CRYBG3: variants seen among roughly 807,000 people sequenced by gnomAD.
CRYBG3 encodes the protein crystallin beta-gamma domain containing 3.
A neutral mutation model predicts 244.2 loss-of-function variants in CRYBG3; 127 were observed. The observed-to-expected ratio is 0.52, with a 90% CI of 0.45 to 0.60. The LOEUF is 0.60. Ranked by LOEUF, CRYBG3 falls within the 20% of genes least tolerant of loss-of-function variation. The pLI is 0.00. For missense variants in CRYBG3, 3,325 were observed against 3,442.5 expected (o/e 0.97, Z 0.85); for synonymous variants, 1,132 against 1,195.8 (o/e 0.95, Z 1.10).
intron 15 of CRYBG3, among the ~76,000 whole-genome samples, chr3:97,904,798 T>A (rs373929422): frequency 6.6e-6 from 1 of 151,790 alleles, no homozygotes; most frequent in East Asian, 1.9e-4. Context: ...GCAGGTTAGT[T>A]ACATATGTAT....
At chr3:97,896,323 G>T (rs1416795101) in intron 12 of CRYBG3, among the ~76,000 whole-genome samples, 2 of 152,070 alleles carry the variant, frequency 1.3e-5, no homozygotes, top group African/African-American at 4.8e-5. Context: ...TTTGTTAGAT[G>T]CCAGGAGTGG....
At chr3:97,934,632 A>G (rs981100446) in intron 18 of CRYBG3, among the ~76,000 whole-genome samples, 1 of 152,112 alleles carries the variant, frequency 6.6e-6, no homozygotes, top group African/African-American at 2.4e-5. Context: ...GAGAAAGCCA[A>G]TAATATAAGT....
chr3:97,907,679 G>C lies in CRYBG3; in HGVS notation c.8005-4488G>C, dbSNP rs535825780. On this transcript the variant is annotated intron_variant, in intron 15 of 21. Coordinates refer to ENST00000389622, the MANE Select transcript of CRYBG3 (RefSeq NM_153605.4). ...TTGCTAGCGGTCTATCAATTTTGTT[G>C]ATCCTTTCAAAAAACCAGCTCCTGG... Among the ~76,000 whole-genome samples, 423 of 150,268 alleles carry C rather than the reference G, an allele frequency of 2.8e-3. 1 individual carries two copies. The highest frequency in any genetic ancestry group is 4.7e-3 in the Non-Finnish European group (320 of 67,468).
intron 6 of CRYBG3, 135 bp downstream of exon 6, chr3:97,880,235 A>G (rs2039429410): frequency 5.3e-6 from 3 of 563,164 alleles, no homozygotes; most frequent in East Asian, 2.9e-5. Flanking sequence ...ATTTTGAAAC[A>G]TTATTATTAG....
At chr3:97,892,620 C>G (rs2039592396) in intron 10 of CRYBG3, among the ~76,000 whole-genome samples, 1 of 151,850 alleles carries the variant, frequency 6.6e-6, no homozygotes, top group African/African-American at 2.4e-5. Flanking sequence ...TTCTTAGCAC[C>G]TCGAAGTAGA....
chr3:97,861,864 G>T (rs970605921), intron 2 of CRYBG3, among the ~76,000 whole-genome samples: 22 of 152,034 alleles, frequency 1.4e-4, no homozygotes, highest in African/African-American at 5.3e-4. Context: ...TATTGCAGGT[G>T]TTTACTTTGA....
At chr3:97,846,268 G>A (rs1489089974) in intron 2 of CRYBG3, among the ~76,000 whole-genome samples, 4 of 151,822 alleles carry the variant, frequency 2.6e-5, no homozygotes, top group Admixed American at 2.6e-4. Context: ...CCTACCTCTG[G>A]CTACTTCCTT....
chr3:97,873,847 C>T lies in CRYBG3; in HGVS notation c.2653C>T (p.Arg885Cys), dbSNP rs770971414. The part of the protein sequence containing the change: ...LTFLEVEQGK[R>C]FQSINHNEIG... ...CTTTCTAGAAGTTGAACAGGGCAAA[C>T]GTTTTCAATCAATTAATCATAATGA... Residue 885 changes from arginine (R) to cysteine (C), a missense_variant, in exon 4 of 22, where the codon CGT becomes TGT. Around this residue, in one of 4 missense-constraint regions of CRYBG3, gnomAD observed 1,526 missense variants for 1,443.2 expected, o/e 1.06. Coordinates refer to ENST00000389622, the MANE Select transcript of CRYBG3 (RefSeq NM_153605.4). 89 of 1,534,846 alleles carry T rather than the reference C, an allele frequency of 5.8e-5. No homozygotes were observed. Among genetic ancestry groups the T allele is most frequent in the Non-Finnish European group, 6.9e-5 (79 of 1,146,526 alleles).
chr3:97,873,307 G>T lies in CRYBG3; in HGVS notation c.2113G>T (p.Val705Leu). The change falls in exon 4 of 22, where the codon GTG becomes TTG. Residue 705 changes from valine to leucine, a missense_variant. By Grantham distance (32) the Val-to-Leu change is conservative. This residue lies in a region of CRYBG3 where 1,526 missense variants were observed against 1,443.2 expected (regional missense o/e 1.06). Coordinates refer to ENST00000389622, the MANE Select transcript of CRYBG3 (RefSeq NM_153605.4). The stretch of plus-strand genomic sequence containing the variant: ...GCCTAGGAAGTGTAAAGAAGAAAAT[G>T]TGAAAAACCATGTTGAGGCTGCAGG... ...YQPRKCKEEN[V>L]KNHVEAAGRK... is the part of the protein sequence containing the mutation. 1 of 1,535,706 alleles carries T rather than the reference G, an allele frequency of 6.5e-7. No individual in the cohort carries two copies. Among genetic ancestry groups the T allele is most frequent in the African/African-American group, 1.4e-5 (1 of 73,110 alleles).
chr3:97,931,833 T>C (rs2040100780), intron 17 of CRYBG3, among the ~76,000 whole-genome samples: 1 of 152,008 alleles, frequency 6.6e-6, no homozygotes, highest in Non-Finnish European at 1.5e-5. Flanking sequence ...CCCTAACCCC[T>C]GTTTTAGGTC....
At chr3:97,887,299 A>G (rs1023014535) in intron 8 of CRYBG3, among the ~76,000 whole-genome samples, 7 of 152,214 alleles carry the variant, frequency 4.6e-5, no homozygotes, top group African/African-American at 1.2e-4. Context: ...GTCTTAGTTC[A>G]TTCCCAGATT....
At chr3:97,828,532 A>G (rs533700219) in intron 1 of CRYBG3, among the ~76,000 whole-genome samples, 1 of 151,564 alleles carries the variant, frequency 6.6e-6, no homozygotes, top group East Asian at 1.9e-4. Context: ...TTAAGTTAAA[A>G]AAAAAAAAAA....
chr3:97,835,725 A>G (rs2038723697), intron 1 of CRYBG3, among the ~76,000 whole-genome samples: 1 of 151,728 alleles, frequency 6.6e-6, no homozygotes, highest in Admixed American at 6.6e-5. Context: ...GTTGGGGGGG[A>G]GGTCAGCCAA....
chr3:97,849,796 G>T (rs754953639), intron 2 of CRYBG3, among the ~76,000 whole-genome samples: 1 of 152,204 alleles, frequency 6.6e-6, no homozygotes, highest in African/African-American at 2.4e-5. Context: ...GTGAGCGCCA[G>T]AAAGCTCTCA....
At chr3:97,879,590 A>C in intron 4 of CRYBG3, 114 bp from the exon 5 acceptor site, 1 of 675,886 alleles carries the variant, frequency 1.5e-6, no homozygotes, top group Non-Finnish European at 2.5e-6. Context: ...CCTTGCTCAT[A>C]ATGATCACTA....
chr3:97,828,186 C>G (rs2038603203), intron 1 of CRYBG3, among the ~76,000 whole-genome samples: 1 of 152,162 alleles, frequency 6.6e-6, no homozygotes, highest in African/African-American at 2.4e-5. Flanking sequence ...GAAGCTGGAA[C>G]TCTTATACAC....
chr3:97,872,647 A>G lies in CRYBG3; in HGVS notation c.1453A>G (p.Lys485Glu). 6.5e-7 allele frequency: 1 copy of G among 1,535,976 alleles called. No homozygotes were observed. The highest frequency in any genetic ancestry group is 8.7e-7 in the Non-Finnish European group (1 of 1,146,800). ...CAAGCAAACCATAGATAGCTCATCA[A>G]AGCAAGCTGCCACTCACACCAATAT... ...SDKQTIDSSS[K>E]QAATHTNIIA... The change falls in exon 4 of 22, where the codon AAG (lysine) becomes GAG (glutamate). Residue 485 changes from lysine to glutamate, a missense_variant. Lys to Glu is a moderately conservative substitution (Grantham distance 56, BLOSUM62 1). Coordinates refer to ENST00000389622, the MANE Select transcript of CRYBG3 (RefSeq NM_153605.4).
At chr3:97,897,305 A>C (rs1241850027) in intron 12 of CRYBG3, among the ~76,000 whole-genome samples, 2 of 152,090 alleles carry the variant, frequency 1.3e-5, no homozygotes, top group Non-Finnish European at 2.9e-5. Context: ...ATTTTATGGA[A>C]TTTAAAAGTA....
chr3:97,917,846 T>G (rs530697610), intron 17 of CRYBG3, among the ~76,000 whole-genome samples: 1 of 152,260 alleles, frequency 6.6e-6, no homozygotes, highest in South Asian at 2.1e-4. Flanking sequence ...AGAGTCCTTT[T>G]ACTCTCTAGG....
Sources: allele counts gnomAD v4.1 joint callset (sites outside exome capture counted in the v4.1 genomes callset), GRCh38; gene constraint gnomAD v4.1.1; regional missense constraint gnomAD v4.1.1; transcripts MANE v1.5; gene names NCBI Gene and HGNC (gene_info 2026-07-23, HGNC 2026-07-21).